WDPCP: variants seen among roughly 807,000 people sequenced by gnomAD.
WDPCP encodes WD repeat containing planar cell polarity effector, also known as WD repeat-containing and planar cell polarity effector protein fritz homolog.
Under a neutral mutation model 93.1 loss-of-function variants are expected in WDPCP, and 71 were observed. The observed-to-expected ratio is 0.76, with a 90% confidence interval of 0.63 to 0.93. The LOEUF is 0.93. WDPCP is among the 40% of genes least tolerant of loss of function. The probability of loss-of-function intolerance (pLI) is 0.00; values close to 1 mark genes in which losing one functional copy is unlikely to be tolerated. For missense variants in WDPCP, 844 were observed against 887.4 expected (o/e 0.95, Z 0.62); for synonymous variants, 315 against 315.0 (o/e 1.00, Z 0.00).
intron 12 of WDPCP, among the ~76,000 whole-genome samples, chr2:63,375,545 C>A (rs1691779726): frequency 6.6e-6 from 1 of 151,576 alleles, no homozygotes; most frequent in South Asian, 2.1e-4. Flanking sequence ...TGAATGCATA[C>A]AAAAAGATGA....
chr2:63,294,527 A>T (rs1684698135), intron 13 of WDPCP, among the ~76,000 whole-genome samples: 2 of 151,428 alleles, frequency 1.3e-5, no homozygotes, highest in Non-Finnish European at 2.9e-5. Flanking sequence ...AAAAAAAAAA[A>T]AAAAGTGCTG....
intron 14 of WDPCP, among the ~76,000 whole-genome samples, chr2:63,234,501 A>C (rs1439506783): frequency 6.6e-6 from 1 of 152,224 alleles, no homozygotes; most frequent in Non-Finnish European, 1.5e-5. Flanking sequence ...AATGTCTACA[A>C]AATGGATGAT....
At chr2:63,309,824 T>G (rs1686043203) in intron 13 of WDPCP, among the ~76,000 whole-genome samples, 1 of 151,704 alleles carries the variant, frequency 6.6e-6, no homozygotes, top group South Asian at 2.1e-4. Context: ...CTGGAAATCA[T>G]GTAAATAACA....
rs371563398 is a variant in WDPCP at position 63,716,261 on chromosome 2, G to C, written n.309-65423C>G. On this transcript the variant is annotated intron_variant and non_coding_transcript_variant, in intron 2 of 4. Transcript: ENST00000467687. ...TTAATAGACCTCTAGTAACTTAATA[G>C]ACCTCTCTGCCTGTATCTAACATAA... Among the ~76,000 whole-genome samples the C allele has an allele frequency of 1.1e-4, 16 of 152,282 alleles. No homozygotes were observed. In the East Asian group the frequency reaches 2.3e-3, roughly 22 times the overall value.
At chr2:63,595,911 T>C (rs1239199088) in intron 3 of WDPCP, among the ~76,000 whole-genome samples, 2 of 152,304 alleles carry the variant, frequency 1.3e-5, no homozygotes, top group African/African-American at 2.4e-5. Context: ...AATGGAAAAC[T>C]TTCTCAGTTT....
chr2:63,564,009 A>T (rs1706839584), intron 1 of WDPCP, among the ~76,000 whole-genome samples: 1 of 152,240 alleles, frequency 6.6e-6, no homozygotes, highest in South Asian at 2.1e-4. Context: ...TTTAGGGTAT[A>T]TGAATTATAT....
chr2:63,297,942 G>T (rs1384526080), intron 13 of WDPCP, among the ~76,000 whole-genome samples: 1 of 152,168 alleles, frequency 6.6e-6, no homozygotes, highest in East Asian at 1.9e-4. Context: ...AATGGCTGCA[G>T]CCATATGTTT....
intron 2 of WDPCP, among the ~76,000 whole-genome samples, chr2:63,776,351 C>T (rs1489836906): frequency 6.6e-6 from 1 of 151,586 alleles, no homozygotes; most frequent in Non-Finnish European, 1.5e-5. Flanking sequence ...ATTGCCATTT[C>T]ACCAAAGAAG....
At chr2:63,704,234 G>A (rs1669110664) in intron 2 of WDPCP, among the ~76,000 whole-genome samples, 1 of 152,198 alleles carries the variant, frequency 6.6e-6, no homozygotes, top group East Asian at 1.9e-4. Flanking sequence ...ATATAATCAT[G>A]TCATCTGCAA....
chr2:63,206,672 C>G (rs562164892), intron 14 of WDPCP, among the ~76,000 whole-genome samples: 1 of 152,192 alleles, frequency 6.6e-6, no homozygotes, highest in East Asian at 1.9e-4. Context: ...AGGCTGGGCT[C>G]AAGTGATCCT....
chr2:63,496,418 C>T (rs1701225336), intron 1 of WDPCP, among the ~76,000 whole-genome samples: 1 of 152,144 alleles, frequency 6.6e-6, no homozygotes, highest in South Asian at 2.1e-4. Flanking sequence ...CTGATAGGTC[C>T]ACTCCCCATA....
intron 3 of WDPCP, among the ~76,000 whole-genome samples, chr2:63,628,368 A>G (rs1252992094): frequency 1.3e-5 from 2 of 152,238 alleles, no homozygotes; most frequent in African/African-American, 2.4e-5. Flanking sequence ...AATAGATATC[A>G]TCTTTTTTGT....
chr2:63,299,311 A>G (rs566396795), intron 13 of WDPCP, among the ~76,000 whole-genome samples: 2 of 152,302 alleles, frequency 1.3e-5, no homozygotes, highest in African/African-American at 4.8e-5. Flanking sequence ...CAAACCAGAT[A>G]CTATCAGTGG....
At chr2:63,491,123 C>A (rs1432896399) in intron 2 of WDPCP, among the ~76,000 whole-genome samples, 2 of 152,044 alleles carry the variant, frequency 1.3e-5, no homozygotes, top group African/African-American at 2.4e-5. Context: ...TCCAAGAGAC[C>A]TGTATAACTT....
chr2:63,604,854 C>G, intron 3 of WDPCP: 1 of 1,614,090 alleles, frequency 6.2e-7, no homozygotes. Flanking sequence ...ACAGCTGGCT[C>G]AAGGGAGAAT....
intron 12 of WDPCP, among the ~76,000 whole-genome samples, chr2:63,327,022 C>T (rs1687609710): frequency 6.6e-6 from 1 of 151,830 alleles, no homozygotes; most frequent in African/African-American, 2.4e-5. Flanking sequence ...AATCCTTAAC[C>T]TAACAGGTTT....
intron 12 of WDPCP, 25 bp from the exon 13 acceptor site, chr2:63,313,336 G>A (rs1204910504): frequency 6.2e-7 from 1 of 1,602,190 alleles, no homozygotes; most frequent in Non-Finnish European, 8.5e-7. Context: ...AAAATATTAT[G>A]TTAGTTGTGA....
At chr2:63,228,387 C>CTTTTTTTTTT in intron 14 of WDPCP, 30 of 110,330 alleles carry the variant, frequency 2.7e-4, no homozygotes, top group East Asian at 5.5e-4. Flanking sequence ...TTTTCTTTTT[C>CTTTTTTTTTT]TTTTTTTTTT....
At chr2:63,587,559 G>A (rs886933881) in intron 1 of WDPCP, among the ~76,000 whole-genome samples, 5 of 152,188 alleles carry the variant, frequency 3.3e-5, no homozygotes, top group Non-Finnish European at 7.4e-5. Context: ...TTCTAACAAT[G>A]TTATCTAATA....
Sources: allele counts gnomAD v4.1 joint callset (sites outside exome capture counted in the v4.1 genomes callset), GRCh38; gene constraint gnomAD v4.1.1; transcripts MANE v1.5; gene names NCBI Gene and HGNC (gene_info 2026-07-23, HGNC 2026-07-21).